Variants in EBF4 observed in about 807,000 individuals in gnomAD.
EBF4 encodes EBF transcription factor 4, also known as transcription factor COE4.
EBF4 carries 34 observed loss-of-function variants against 67.1 expected under a neutral mutation model. That is an observed-to-expected ratio of 0.51 (90% confidence interval 0.39 to 0.67). The LOEUF (loss-of-function observed/expected upper bound fraction) is 0.67, where lower values mean the gene tolerates loss of function less well. Ranked by LOEUF, EBF4 falls within the 30% of genes least tolerant of loss-of-function variation. The probability of loss-of-function intolerance (pLI) is 0.00; values close to 1 mark genes in which losing one functional copy is unlikely to be tolerated. For synonymous variants in EBF4, 387 were observed against 377.7 expected, an observed-to-expected ratio of 1.02 and a Z score of -0.29; for missense variants, 837 against 873.3, an observed-to-expected ratio of 0.96 and a Z score of 0.52.
chr20:2,709,522 G>T (rs1350678656), intron 5 of EBF4, 52 bp from the exon 6 acceptor site: 29 of 1,507,236 alleles, frequency 1.9e-5, no homozygotes, highest in Non-Finnish European at 2.3e-5. Flanking sequence ...CACTGTCGTG[G>T]CCCCCTCCTT....
intron 5 of EBF4, 127 bp from the exon 6 acceptor site, chr20:2,709,447 A>C (rs1247962478): frequency 3.6e-6 from 3 of 831,668 alleles, no homozygotes; most frequent in Non-Finnish European, 5.2e-6. Flanking sequence ...CCTCCAGCCC[A>C]GGGATTCCAC....
chr20:2,732,364 T>G (rs1465043518), intron 6 of EBF4, among the ~76,000 whole-genome samples: 2 of 152,188 alleles, frequency 1.3e-5, no homozygotes. Context: ...TCAAGCAATC[T>G]GCCTGCCTCA....
chr20:2,721,246 CTTTTTT>C (rs146844927), intron 6 of EBF4, among the ~76,000 whole-genome samples: 1 of 108,122 alleles, frequency 9.2e-6, no homozygotes, highest in African/African-American at 3.4e-5. Flanking sequence ...TGATTCTCTT[CTTTTTT>C]TTTTTTTTTT....
At chr20:2,723,498 C>T (rs961525366) in intron 6 of EBF4, among the ~76,000 whole-genome samples, 3 of 151,772 alleles carry the variant, frequency 2.0e-5, no homozygotes, top group Non-Finnish European at 2.9e-5. Context: ...CTACAGGCGC[C>T]GCCACCACGC....
intron 6 of EBF4, among the ~76,000 whole-genome samples, chr20:2,725,374 T>G (rs1481356463): frequency 6.6e-6 from 1 of 152,220 alleles, no homozygotes; most frequent in East Asian, 1.9e-4. Flanking sequence ...AATGATTCTA[T>G]TTTTTATTTC....
chr20:2,747,467 A>G lies in EBF4; in HGVS notation c.558-1082A>G, dbSNP rs1408483319. Among the ~76,000 whole-genome samples, 1 of 152,200 alleles carries G rather than the reference A, an allele frequency of 6.6e-6. No individual in the cohort carries two copies. Among genetic ancestry groups the G allele is most frequent in the Non-Finnish European group, 1.5e-5 (1 of 68,048 alleles). On this transcript the variant is annotated intron_variant, in intron 6 of 16. Coordinates refer to ENST00000609451, the Ensembl canonical transcript of EBF4. The surrounding 1 kb of genome is among the most constrained non-coding windows in gnomAD (Gnocchi z 4.6). ...AAAGTGCTCATGTGTTTGTCTAAAA[A>G]GCAACCTCATCAGCGCATATGTGTT...
intron 1 of EBF4, among the ~76,000 whole-genome samples, chr20:2,697,880 A>T (rs1456913860): frequency 2.0e-5 from 3 of 151,922 alleles, no homozygotes; most frequent in Non-Finnish European, 4.4e-5. Flanking sequence ...CCCAGGCCAG[A>T]CCTCCCCCTG....
rs1461902131 is a variant in EBF4 at position 2,708,032 on chromosome 20, A to G, written c.488+12A>G. ...GAGATCATGTGCAGGTGAGATGGCC[A>G]TGTCACTCACACCTCACCCCTCTGC... On this transcript the variant is annotated intron_variant, in intron 5 of 16. Coordinates refer to ENST00000609451, the Ensembl canonical transcript of EBF4. 7 of 1,603,126 alleles carry G rather than the reference A, an allele frequency of 4.4e-6. No homozygotes were observed. In the East Asian group the frequency reaches 1.1e-4, roughly 26 times the overall value.
intron 16 of EBF4, 61 bp from the exon 17 acceptor site, chr20:2,759,207 C>G (rs1028854591): frequency 1.8e-6 from 1 of 569,630 alleles, no homozygotes; most frequent in Admixed American, 3.0e-5. Flanking sequence ...AAGTGGCTTC[C>G]TGTCCCCTGG....
chr20:2,720,551 A>G (rs1323356341), intron 6 of EBF4, among the ~76,000 whole-genome samples: 1 of 152,052 alleles, frequency 6.6e-6, no homozygotes, highest in East Asian at 1.9e-4. Flanking sequence ...CTTATTGTAT[A>G]TATCCTAAAC....
At position 2,748,026 on chromosome 20, in the gene EBF4, T is replaced by A. The variant is rs561330264; in HGVS notation, c.558-523T>A. Among the ~76,000 whole-genome samples, 16 of 152,180 alleles carry A rather than the reference T, an allele frequency of 1.1e-4. No individual in the cohort carries two copies. In the South Asian group the frequency reaches 3.1e-3, roughly 30 times the overall value. On this transcript the variant is annotated intron_variant, in intron 6 of 16. Transcript: ENST00000609451. ...CTGTGTCTGAGGAGTGTACATGGTG[T>A]GGGTGATGGGTATACTCTGGGGAGG...
intron 16 of EBF4, 100 bp downstream of exon 16, chr20:2,759,084 C>A: frequency 8.7e-7 from 1 of 1,146,870 alleles, no homozygotes; most frequent in Non-Finnish European, 1.3e-6. Context: ...TCCCCGCTAG[C>A]AGCCCCACAG....
At position 2,707,061 on chromosome 20, in the gene EBF4, T is replaced by G. The variant is rs1380530987; in HGVS notation, c.414+797T>G. Among the ~76,000 whole-genome samples, 1 of 152,142 alleles carries G rather than the reference T, an allele frequency of 6.6e-6. No individual in the cohort carries two copies. Among genetic ancestry groups the G allele is most frequent in the Non-Finnish European group, 1.5e-5 (1 of 68,014 alleles). ...GGGCTGAGTCTCAAATGGGCCAGATTAGTGGGCTAGGAATGCAAGCTGGAG... is the reference window on the plus strand; with the variant it reads ...GGGCTGAGTCTCAAATGGGCCAGATGAGTGGGCTAGGAATGCAAGCTGGAG... On this transcript the variant is annotated intron_variant, in intron 4 of 16. Coordinates refer to ENST00000609451, the Ensembl canonical transcript of EBF4. This position sits in a 1 kb window ranked among gnomAD's most constrained non-coding sequence, Gnocchi z 4.6.
chr20:2,750,070 C>A, intron 10 of EBF4, 97 bp downstream of exon 10: 2 of 1,437,738 alleles, frequency 1.4e-6, no homozygotes, highest in Non-Finnish European at 1.8e-6. Context: ...GTTAGCCGAG[C>A]TCTACGCTGT....
chr20:2,751,712 C>A lies in EBF4; in HGVS notation c.1031C>A (p.Pro344His). ...CCCCCTTCCCCAGCTCTGAACGAGCCCACCATTGACTACGGATTCCAGAGG... is the reference window on the plus strand; with the variant it reads ...CCCCCTTCCCCAGCTCTGAACGAGCACACCATTGACTACGGATTCCAGAGG... Residue 344 changes from proline (P) to histidine (H), a missense_variant, in exon 11 of 17, where the codon CCC (proline) becomes CAC (histidine). By Grantham distance (77) the Pro-to-His change is moderately conservative. Around this residue, in one of 3 missense-constraint regions of EBF4, gnomAD observed 525 missense variants for 496.5 expected, o/e 1.06. Coordinates refer to ENST00000609451, the Ensembl canonical transcript of EBF4. The surrounding 1 kb of genome is among the most constrained non-coding windows in gnomAD (Gnocchi z 5.2). 1 of 1,550,970 alleles carries A rather than the reference C, an allele frequency of 6.4e-7. No individual in the cohort carries two copies. The highest frequency in any genetic ancestry group is 8.7e-7 in the Non-Finnish European group (1 of 1,146,874).
At chr20:2,694,194 G>A (rs1202050683) in intron 1 of EBF4, among the ~76,000 whole-genome samples, 3 of 152,250 alleles carry the variant, frequency 2.0e-5, no homozygotes, top group African/African-American at 7.2e-5. Flanking sequence ...TGTCAGGAAA[G>A]GCACGAAACC....
chr20:2,698,671 G>A (rs983142844), intron 1 of EBF4, among the ~76,000 whole-genome samples: 3 of 152,046 alleles, frequency 2.0e-5, no homozygotes, highest in African/African-American at 4.8e-5. Flanking sequence ...AAAGGGATGA[G>A]ATGCAGGAGT....
exon 2 of EBF4, chr20:2,705,698 C>T (rs1314768853): frequency 4.5e-6 from 7 of 1,551,456 alleles, no homozygotes; most frequent in South Asian, 2.4e-5. Context: ...GGAGGTGGAG[C>T]GCACAGCCTT....
intron 6 of EBF4, among the ~76,000 whole-genome samples, chr20:2,730,044 AG>A (rs2087793615): frequency 6.6e-6 from 1 of 152,216 alleles, no homozygotes; most frequent in Admixed American, 6.5e-5. Flanking sequence ...CCCTATGGTG[AG>A]GGAATAACCA....
Sources: allele counts gnomAD v4.1 joint callset (sites outside exome capture counted in the v4.1 genomes callset), GRCh38; gene constraint gnomAD v4.1.1; regional missense constraint gnomAD v4.1.1; non-coding constraint Gnocchi (gnomAD v3.1); transcripts MANE v1.5; gene names NCBI Gene and HGNC (gene_info 2026-07-23, HGNC 2026-07-21).